The following EIF2AK4 variants were observed in gnomAD, a reference collection of about 807,000 sequenced individuals.
EIF2AK4 encodes the protein eIF-2-alpha kinase GCN2.
A neutral mutation model predicts 211.1 loss-of-function variants in EIF2AK4; 139 were observed. That is an observed-to-expected ratio of 0.66 (90% CI 0.57 to 0.76). EIF2AK4 has a LOEUF of 0.76. Among genes scored for constraint, EIF2AK4 ranks in the 30% least tolerant of loss-of-function variants. The pLI, the probability that EIF2AK4 is intolerant of heterozygous loss-of-function variation, is 0.00. For synonymous variants in EIF2AK4, 710 were observed against 751.3 expected, an observed-to-expected ratio of 0.94 and a Z score of 0.90; for missense variants, 1,664 against 2,043.8, an observed-to-expected ratio of 0.81 and a Z score of 3.58.
chr15:39,982,537 C>A (rs149444920), intron 13 of EIF2AK4, among the ~76,000 whole-genome samples: 47 of 151,772 alleles, frequency 3.1e-4, no homozygotes, highest in African/African-American at 1.1e-3. Flanking sequence ...CTTTTTTTTC[C>A]TTTTTCTTTT....
chr15:40,014,125 C>G (rs1478384105), intron 27 of EIF2AK4, among the ~76,000 whole-genome samples: 1 of 152,250 alleles, frequency 6.6e-6, no homozygotes, highest in African/African-American at 2.4e-5. Flanking sequence ...TCCTTTGACT[C>G]CATGTCTCAC....
chr15:39,985,694 A>G (rs1595410156), intron 13 of EIF2AK4, 111 bp from the exon 14 acceptor site: 2 of 867,706 alleles, frequency 2.3e-6, no homozygotes, highest in East Asian at 5.2e-5. Flanking sequence ...CTTCTCCCTA[A>G]GGCAACTGGG....
intron 3 of EIF2AK4, among the ~76,000 whole-genome samples, chr15:39,946,140 T>C (rs1281931369): frequency 1.3e-5 from 2 of 152,230 alleles, no homozygotes; most frequent in African/African-American, 4.8e-5. Context: ...AGAAATACAT[T>C]TTACAAGCTT....
chr15:40,011,216 G>T, intron 26 of EIF2AK4, 65 bp from the exon 27 acceptor site: 2 of 1,367,626 alleles, frequency 1.5e-6, no homozygotes, highest in South Asian at 1.2e-5. Context: ...AATTCGCCTG[G>T]AAATTGTGTC....
intron 21 of EIF2AK4, among the ~76,000 whole-genome samples, chr15:40,002,133 C>A (rs2035101315): frequency 6.6e-6 from 1 of 152,116 alleles, no homozygotes; most frequent in Non-Finnish European, 1.5e-5. Flanking sequence ...AGAGACCAAA[C>A]ACAATTTTTA....
At position 39,976,710 on chromosome 15, in the gene EIF2AK4, C is replaced by G; in HGVS notation, c.2115C>G (p.Leu705=). The G allele has an allele frequency of 4.4e-6, 7 of 1,602,460 alleles. No homozygotes were observed. Among genetic ancestry groups the G allele is most frequent in the Non-Finnish European group, 5.9e-6 (7 of 1,177,630 alleles). Residue 705 remains leucine (L), a synonymous_variant, in exon 12 of 39, where the codon CTC becomes CTG. Transcript: ENST00000263791. ...SVEAAAPPPI[L]SSSVEWSTSG... The stretch of plus-strand genomic sequence containing the variant: ...AGGCCGCCGCGCCGCCACCCATCCT[C>G]AGCAGCTCGGTGGAGTGGAGCACTT...
chr15:39,934,858 A>G (rs1212126122), intron 1 of EIF2AK4, among the ~76,000 whole-genome samples: 7 of 152,184 alleles, frequency 4.6e-5, no homozygotes, highest in South Asian at 4.1e-4. Context: ...GTTTTCCGGT[A>G]TGGAGGAACT....
chr15:39,992,764 C>T lies in EIF2AK4; in HGVS notation c.2687-5C>T. 1 of 1,613,954 alleles carries T rather than the reference C, an allele frequency of 6.2e-7. No individual in the cohort carries two copies. Among genetic ancestry groups the T allele is most frequent in the Non-Finnish European group, 8.5e-7 (1 of 1,179,826 alleles). ...GACGTTTTCCCTCTGTTTTCCTCCA[C>T]ACAGGTCACTTAACTGGGATGGTTG... On this transcript the variant is annotated splice_region_variant and splice_polypyrimidine_tract_variant and intron_variant, in intron 17 of 38. Transcript: ENST00000263791.
rs767138901 is a variant in EIF2AK4, at chr15:40,001,252, G to T, written c.3159+28G>T. On this transcript the variant is annotated intron_variant, in intron 21 of 38. Transcript: ENST00000263791. Reference sequence around the variant, plus strand: ...GGGCTTAAGCCACGCTGCACAAAGGGAGCTTCACCTTGTCCACAAAAGGAT... The same window carrying T: ...GGGCTTAAGCCACGCTGCACAAAGGTAGCTTCACCTTGTCCACAAAAGGAT... The T allele has an allele frequency of 1.9e-6, 3 of 1,604,852 alleles. No individual in the cohort carries two copies. In the East Asian group the frequency reaches 6.7e-5, roughly 36 times the overall value.
intron 6 of EIF2AK4, among the ~76,000 whole-genome samples, chr15:39,960,358 C>A (rs1029930278): frequency 2.6e-5 from 4 of 151,650 alleles, no homozygotes; most frequent in Admixed American, 2.6e-4. Context: ...CTAAACAGGG[C>A]AGGGGAGATA....
intron 25 of EIF2AK4, among the ~76,000 whole-genome samples, chr15:40,008,439 G>T (rs980296280): frequency 7.9e-5 from 12 of 152,152 alleles, no homozygotes. Context: ...TAAAATGCAA[G>T]ATATCAGGCT....
At chr15:40,029,273 TCCA>T (rs1276709805) in intron 33 of EIF2AK4, 130 bp from the exon 34 acceptor site, 1 of 1,385,152 alleles carries the variant, frequency 7.2e-7, no homozygotes, top group Non-Finnish European at 9.4e-7. Flanking sequence ...TTTTTGTTTT[TCCA>T]CCAATAACCA....
At position 39,979,204 on chromosome 15, in the gene EIF2AK4, T is replaced by C. The variant is rs527997337; in HGVS notation, c.2319+1057T>C. On this transcript the variant is annotated intron_variant, in intron 13 of 38. Coordinates refer to ENST00000263791, the MANE Select transcript of EIF2AK4 (RefSeq NM_001013703.4). ...AGCAAAGATGTGGGAAGTAGAAATA[T>C]TATGTACTAGACGTTATAAAATCAT... Among the ~76,000 whole-genome samples, 4 of 152,290 alleles carry C rather than the reference T, an allele frequency of 2.6e-5. No homozygotes were observed. In the South Asian group the frequency reaches 8.3e-4, roughly 32 times the overall value.
intron 1 of EIF2AK4, among the ~76,000 whole-genome samples, chr15:39,935,133 G>C (rs530694825): frequency 1.3e-5 from 2 of 152,136 alleles, no homozygotes; most frequent in African/African-American, 2.4e-5. Context: ...CATGGGCCTC[G>C]GGTTAGACCA....
intron 37 of EIF2AK4, among the ~76,000 whole-genome samples, 197 bp downstream of exon 37, chr15:40,032,998 C>T (rs2035563324): frequency 6.6e-6 from 1 of 152,106 alleles, no homozygotes; most frequent in African/African-American, 2.4e-5. Context: ...TTTCTAGTGA[C>T]TTTATTTTTC....
At chr15:40,025,899 A>C (rs2035460110) in intron 32 of EIF2AK4, 78 bp from the exon 33 acceptor site, 1 of 1,330,894 alleles carries the variant, frequency 7.5e-7, no homozygotes. Context: ...TTGATTTAGT[A>C]GTCTTACTGT....
At chr15:40,005,211 G>A (rs559032956) in intron 23 of EIF2AK4, among the ~76,000 whole-genome samples, 2 of 152,088 alleles carry the variant, frequency 1.3e-5, no homozygotes, top group Non-Finnish European at 2.9e-5. Context: ...GGGGAGTCCC[G>A]GAACCAATTT....
At chr15:39,961,707 A>G (rs1018528307) in intron 6 of EIF2AK4, 77 bp from the exon 7 acceptor site, 10 of 1,159,236 alleles carry the variant, frequency 8.6e-6, no homozygotes, top group South Asian at 1.4e-5. Context: ...ATGTTAATCT[A>G]TAACATTCCT....
intron 16 of EIF2AK4, 83 bp downstream of exon 16, chr15:39,990,460 T>G (rs1305173280): frequency 8.5e-7 from 1 of 1,171,984 alleles, no homozygotes; most frequent in Non-Finnish European, 1.3e-6. Context: ...GATAGAATAG[T>G]GCGTTCACAG....
Sources: gnomAD v4.1 joint callset for allele counts (sites outside exome capture counted in the v4.1 genomes callset) on GRCh38, gnomAD v4.1.1 for gene constraint, MANE v1.5 for transcripts, NCBI Gene and HGNC (gene_info 2026-07-23, HGNC 2026-07-21) for gene names.